Variants in ARHGEF9 observed in about 807,000 individuals in gnomAD.
ARHGEF9 encodes the protein rho guanine nucleotide exchange factor 9.
ARHGEF9 carries 2 observed loss-of-function variants against 41.3 expected under a neutral mutation model. The observed-to-expected ratio is 0.05, with a 90% confidence interval of 0.02 to 0.15. ARHGEF9 has a LOEUF of 0.15. Ranked by LOEUF, ARHGEF9 falls within the 10% of genes least tolerant of loss-of-function variation. The pLI, the probability that ARHGEF9 is intolerant of heterozygous loss-of-function variation, is 1.00. For synonymous variants in ARHGEF9, 160 were observed against 154.4 expected (o/e 1.04, Z -0.27); for missense variants, 225 against 424.7 (o/e 0.53, Z 4.13).
intron 7 of ARHGEF9, among the ~76,000 whole-genome samples, chrX:63,658,313 G>T (rs1380646478): frequency 8.9e-6 from 1 of 111,885 alleles, no homozygotes; most frequent in African/African-American, 3.2e-5. Flanking sequence ...CAAATGTAAA[G>T]ATGTGATAGG....
chrX:63,666,300 T>C (rs1250883970), intron 6 of ARHGEF9, among the ~76,000 whole-genome samples: 6 of 107,171 alleles, frequency 5.6e-5, no homozygotes, highest in Non-Finnish European at 9.7e-5. Flanking sequence ...ATAAGTTCTC[T>C]GTCTGTCTGT....
chrX:63,771,168 A>G (rs1267182364), intron 1 of ARHGEF9, among the ~76,000 whole-genome samples: 5 of 112,000 alleles, frequency 4.5e-5, no homozygotes, highest in Non-Finnish European at 9.4e-5. Context: ...CCATTTGTAT[A>G]TCTTGTGAAG....
chrX:63,693,439 G>A (rs1488834242), intron 4 of ARHGEF9, among the ~76,000 whole-genome samples: 9 of 109,340 alleles, frequency 8.2e-5, no homozygotes, highest in South Asian at 4.0e-4. Context: ...GTGAAACCCC[G>A]TCTCTACTAA....
rs1314491335 is a variant in ARHGEF9, at chrX:63,765,772, C to T, written c.30+19344G>A. Among the ~76,000 whole-genome samples, 9 of 111,939 alleles carry T rather than the reference C, an allele frequency of 8.0e-5. No homozygotes were observed. The East Asian group carries it at 8.4e-4, about 10-fold the overall frequency. On this transcript the variant is annotated intron_variant, in intron 1 of 9. Transcript: ENST00000671741. Reference sequence around the variant, plus strand: ...TAAAAATTGTCATGCTAGAGTGAAGCCTAGAACCTGAGTTTCCCATCCTCC... The same window carrying T: ...TAAAAATTGTCATGCTAGAGTGAAGTCTAGAACCTGAGTTTCCCATCCTCC...
At chrX:63,748,874 G>A (rs1235150608) in intron 1 of ARHGEF9, among the ~76,000 whole-genome samples, 6 of 112,230 alleles carry the variant, frequency 5.3e-5, no homozygotes, top group Admixed American at 9.4e-5. Context: ...TCTCAGTCAG[G>A]TGGCACCTAG....
At chrX:63,667,399 G>T (rs73627857) in intron 6 of ARHGEF9, among the ~76,000 whole-genome samples, 1 of 111,211 alleles carries the variant, frequency 9.0e-6, no homozygotes, top group African/African-American at 3.3e-5. Flanking sequence ...TGGAGAACCC[G>T]TTCCTTCCTC....
In ARHGEF9 at chrX:63,638,410, C is replaced by A. The variant is rs1409567747; in HGVS notation, c.1391-201G>T. 6.8e-6 allele frequency: 3 copies of A among 438,685 alleles called. No homozygotes were observed. The African/African-American group carries it at 7.3e-5, about 11-fold the overall frequency. The allele number at this position is 438,685 out of a possible 1,213,427, so 36.2% of individuals were successfully genotyped here. A position where few individuals can be genotyped will look rare whatever the true frequency, so the allele number is the denominator to read the frequency against. On this transcript the variant is annotated intron_variant, in intron 9 of 9. Transcript: ENST00000671741. ...CCATGGCTACTATTGCAACCCTACA[C>A]ACTTCCACATCTAGTCAGGTATCAA...
At chrX:63,770,826 C>T (rs1200602765) in intron 1 of ARHGEF9, among the ~76,000 whole-genome samples, 3 of 112,287 alleles carry the variant, frequency 2.7e-5, no homozygotes, top group Non-Finnish European at 5.6e-5. Flanking sequence ...CTGCCATCCA[C>T]ATACAATGTA....
At chrX:63,645,220 GA>G (rs1236012860) in intron 8 of ARHGEF9, among the ~76,000 whole-genome samples, 2 of 109,976 alleles carry the variant, frequency 1.8e-5, no homozygotes, top group Non-Finnish European at 3.8e-5. Context: ...ACTCTAAAAT[GA>G]TTTTTTTTTC....
At chrX:63,705,690 C>T (rs1476920595) in intron 3 of ARHGEF9, among the ~76,000 whole-genome samples, 13 of 111,338 alleles carry the variant, frequency 1.2e-4, no homozygotes, top group Admixed American at 2.9e-4. Flanking sequence ...AACTCACAAC[C>T]GGTGTTCTCC....
intron 9 of ARHGEF9, among the ~76,000 whole-genome samples, chrX:63,643,752 T>C (rs1556309126): frequency 1.8e-5 from 2 of 111,316 alleles, no homozygotes; most frequent in African/African-American, 6.5e-5. Context: ...GGTTATATTT[T>C]TTGCTATACT....
intron 2 of ARHGEF9, among the ~76,000 whole-genome samples, chrX:63,707,200 CTGTGCTAGAATCTT>C (rs1340542736): frequency 2.2e-4 from 24 of 110,768 alleles, no homozygotes; most frequent in African/African-American, 7.6e-4. Flanking sequence ...CTTTTAAACA[CTGTGCTAGAATCTT>C]TGTGCCTCTG....
At chrX:63,656,310 A>G (rs2048874425) in intron 7 of ARHGEF9, among the ~76,000 whole-genome samples, 1 of 111,829 alleles carries the variant, frequency 8.9e-6, no homozygotes, top group Non-Finnish European at 1.9e-5. Context: ...AGAAGTTCAC[A>G]TATCAACACA....
chrX:63,678,584 G>GA lies in ARHGEF9; in HGVS notation c.583-13dup, dbSNP rs1458178024. Reference sequence around the variant, plus strand: ...CAGAATCCATCTTGCTGTGGGAAAAGAAAAAAAGGAAAGGAAAAGTCTACC... The same window carrying GA: ...CAGAATCCATCTTGCTGTGGGAAAAGAAAAAAAAGGAAAGGAAAAGTCTACC... On this transcript the variant is annotated splice_polypyrimidine_tract_variant and intron_variant, in intron 4 of 9. Coordinates refer to ENST00000671741, the MANE Select transcript of ARHGEF9 (RefSeq NM_001353921.2). 1 of 1,141,922 alleles carries GA rather than the reference G, an allele frequency of 8.8e-7. No individual in the cohort carries two copies. 94.1% of individuals were successfully genotyped at this position (1,141,922 alleles called of 1,213,427 possible).
Position 63,637,892 on chromosome X carries a change from G to T in ARHGEF9, c.*136C>A. 2.2e-6 allele frequency: 1 copy of T among 446,521 alleles called. No individual in the cohort carries two copies. Among genetic ancestry groups the T allele is most frequent in the South Asian group, 3.8e-5 (1 of 26,461 alleles). 36.8% of individuals were successfully genotyped at this position (446,521 alleles called of 1,213,427 possible). A position where few individuals can be genotyped will look rare whatever the true frequency, so the allele number is the denominator to read the frequency against. ...TGTGTGTGTGTGTGTCTGTGTGTGT[G>T]TGTGTGTATGTGTACTCAAGGGTCT... On this transcript the variant is annotated 3_prime_UTR_variant, in exon 10 of 10. Transcript: ENST00000671741.
intron 2 of ARHGEF9, among the ~76,000 whole-genome samples, chrX:63,718,811 G>A (rs1556411765): frequency 9.0e-6 from 1 of 111,701 alleles, no homozygotes. Context: ...GGTAATTTTA[G>A]CTCTGGTCCT....
intron 1 of ARHGEF9, among the ~76,000 whole-genome samples, chrX:63,771,333 C>T (rs1287504176): frequency 1.8e-5 from 2 of 112,001 alleles, no homozygotes; most frequent in Admixed American, 9.5e-5. Context: ...TTATTTCATG[C>T]TCAAAACAAT....
At chrX:63,652,244 G>A (rs549479222) in intron 8 of ARHGEF9, among the ~76,000 whole-genome samples, 1 of 111,408 alleles carries the variant, frequency 9.0e-6, no homozygotes, top group Non-Finnish European at 1.9e-5. Context: ...AGCAAAAAAC[G>A]AACAGTCAGC....
intron 4 of ARHGEF9, among the ~76,000 whole-genome samples, chrX:63,683,263 T>C (rs1201011477): frequency 1.8e-5 from 2 of 111,114 alleles, no homozygotes; most frequent in Non-Finnish European, 3.8e-5. Flanking sequence ...TCAAAAAGAA[T>C]GAAATACTTA....
Sources: allele counts gnomAD v4.1 joint callset (sites outside exome capture counted in the v4.1 genomes callset), GRCh38; gene constraint gnomAD v4.1.1; transcripts MANE v1.5; gene names NCBI Gene and HGNC (gene_info 2026-07-23, HGNC 2026-07-21).